CYP27A1: variants seen among roughly 807,000 people sequenced by gnomAD.
CYP27A1 encodes the protein cytochrome P450 family 27 subfamily A member 1.
CYP27A1 carries 46 observed loss-of-function variants against 58.2 expected under a neutral mutation model. That is an observed-to-expected ratio of 0.79 (90% CI 0.62 to 1.01). CYP27A1 has a LOEUF of 1.01. Ranked by LOEUF, CYP27A1 falls within the 50% of genes least tolerant of loss-of-function variation. CYP27A1 has a pLI of 0.00. For missense variants in CYP27A1, 704 were observed against 687.0 expected, an observed-to-expected ratio of 1.02 and a Z score of -0.28; for synonymous variants, 274 against 285.1, an observed-to-expected ratio of 0.96 and a Z score of 0.39.
chr2:218,786,243 G>GTGGAGA (rs1943439287), intron 1 of CYP27A1, among the ~76,000 whole-genome samples: 1 of 152,178 alleles, frequency 6.6e-6, no homozygotes, highest in African/African-American at 2.4e-5. Flanking sequence ...TAGTGGCCAG[G>GTGGAGA]TGGAGATAGA....
rs1162778741 is a variant in CYP27A1, at chr2:218,782,465, G to A, written c.255+28G>A. ...AACCCGCGGGGGCATCGCGTCCTGG[G>A]GATGGGAGTGGGCACCGGAACAGAG... On this transcript the variant is annotated intron_variant, in intron 1 of 8. Transcript: ENST00000258415. This position sits in a 1 kb window ranked among gnomAD's most constrained non-coding sequence, Gnocchi z 4.1. 1 of 1,613,966 alleles carries A rather than the reference G, an allele frequency of 6.2e-7. No individual in the cohort carries two copies. The highest frequency in any genetic ancestry group is 8.5e-7 in the Non-Finnish European group (1 of 1,179,942).
At chr2:218,796,322 G>A (rs1180356808) in intron 1 of CYP27A1, among the ~76,000 whole-genome samples, 3 of 152,192 alleles carry the variant, frequency 2.0e-5, no homozygotes, top group African/African-American at 7.2e-5. Flanking sequence ...GCTGGGTGCA[G>A]TGGCTCACGC....
In CYP27A1 at chr2:218,812,654, A is replaced by G; in HGVS notation, c.749A>G (p.Asn250Ser). The G allele has an allele frequency of 1.2e-6, 2 of 1,614,102 alleles. No individual in the cohort carries two copies. Among genetic ancestry groups the G allele is most frequent in the South Asian group, 1.1e-5 (1 of 91,076 alleles). Residue 250 changes from asparagine (N) to serine (S), a missense_variant, in exon 4 of 9, where the codon AAC becomes AGC. Asn to Ser is a conservative substitution (Grantham distance 46, BLOSUM62 1). Coordinates refer to ENST00000258415, the MANE Select transcript of CYP27A1 (RefSeq NM_000784.4). ...AGATCCATCGGGTTAATGTTCCAGAACTCACTCTATGCCACCTTCCTCCCC... is the reference window on the plus strand; with the variant it reads ...AGATCCATCGGGTTAATGTTCCAGAGCTCACTCTATGCCACCTTCCTCCCC... Reference protein sequence around the residue: ...FVRSIGLMFQNSLYATFLPKW... With the variant: ...FVRSIGLMFQSSLYATFLPKW...
intron 5 of CYP27A1, 83 bp downstream of exon 5, chr2:218,813,179 C>A (rs1943743713): frequency 1.6e-6 from 2 of 1,284,230 alleles, no homozygotes; most frequent in Non-Finnish European, 1.1e-6. Flanking sequence ...CTGATCCCGA[C>A]CTTCATCCCT....
Position 218,814,186 on chromosome 2 carries a change from C to T in CYP27A1, c.1183C>T (p.Arg395Cys), listed in dbSNP as rs121908096. Reference sequence around the variant, plus strand: ...CAAAGCTGTGCTTAAGGAGACTCTGCGGTAGGACAGAATGCTGTTCTGGGG... The same window carrying T: ...CAAAGCTGTGCTTAAGGAGACTCTGTGGTAGGACAGAATGCTGTTCTGGGG... ...LLKAVLKETL[R>C]LYPVVPTNSR... The change falls in exon 6 of 9, where the codon CGT becomes TGT. Residue 395 changes from arginine (R) to cysteine (C), a missense_variant and splice_region_variant. Transcript: ENST00000258415. 4.2e-4 allele frequency: 684 copies of T among 1,614,044 alleles called. No individual in the cohort carries two copies. Among genetic ancestry groups the T allele is most frequent in the Non-Finnish European group, 5.2e-4 (619 of 1,180,040 alleles).
At chr2:218,813,959 C>T in intron 5 of CYP27A1, 62 bp from the exon 6 acceptor site, 1 of 1,590,620 alleles carries the variant, frequency 6.3e-7, no homozygotes, top group Non-Finnish European at 8.6e-7. Context: ...CTCATACACC[C>T]TCCCATTACT....
chr2:218,791,508 C>T lies in CYP27A1; in HGVS notation c.255+9071C>T, dbSNP rs539775356. Among the ~76,000 whole-genome samples the T allele has an allele frequency of 7.2e-5, 11 of 152,266 alleles. No individual in the cohort carries two copies. The South Asian group carries it at 1.0e-3, about 14-fold the overall frequency. On this transcript the variant is annotated intron_variant, in intron 1 of 8. Transcript: ENST00000258415. ...AGAAAAAATTGAAAGATAAGAGTCT[C>T]GTGATAGTAAAGAAGTCTTGATCTG...
chr2:218,795,018 C>T (rs973704352), intron 1 of CYP27A1, among the ~76,000 whole-genome samples: 4 of 152,262 alleles, frequency 2.6e-5, no homozygotes, highest in South Asian at 2.1e-4. Flanking sequence ...GGTGTCAAAG[C>T]GGCCTGAACC....
intron 1 of CYP27A1, among the ~76,000 whole-genome samples, chr2:218,808,734 T>C (rs1257156869): frequency 6.6e-6 from 1 of 152,166 alleles, no homozygotes; most frequent in East Asian, 1.9e-4. Flanking sequence ...CTAGGAAATA[T>C]AGTCTTAGGA....
At chr2:218,810,983 TAAAA>T (rs545836420) in intron 2 of CYP27A1, among the ~76,000 whole-genome samples, 12 of 150,652 alleles carry the variant, frequency 8.0e-5, no homozygotes, top group Admixed American at 5.3e-4. Flanking sequence ...CCGACTCTAC[TAAAA>T]AAAAATACAA....
rs1449962580 is a variant in CYP27A1 at position 218,814,125 on chromosome 2, GC to G, written c.1126del (p.Gln376SerfsTer32). On this transcript the variant is annotated frameshift_variant, in exon 6 of 9. Transcript: ENST00000258415. LOFTEE classifies it high-confidence loss of function. ...TGGGTGTGGTGCCAGCCGGGCAAGT[GC>G]CCCAGCACAAGGACTTTGCCCACAT... is the stretch of plus-strand genomic sequence containing the variant. ...VVGVVPAGQV[P>X]QHKDFAHMPL... 3 of 1,614,150 alleles carry G rather than the reference GC, an allele frequency of 1.9e-6. No homozygotes were observed. The African/African-American group carries it at 4.0e-5, about 22-fold the overall frequency.
At chr2:218,784,195 T>C (rs140669012) in intron 1 of CYP27A1, among the ~76,000 whole-genome samples, 3 of 152,228 alleles carry the variant, frequency 2.0e-5, no homozygotes, top group Non-Finnish European at 2.9e-5. Flanking sequence ...GTGGCTGCTG[T>C]CTCTCCTGCA....
intron 1 of CYP27A1, among the ~76,000 whole-genome samples, chr2:218,794,266 A>T (rs1363143178): frequency 1.3e-5 from 2 of 152,192 alleles, no homozygotes; most frequent in African/African-American, 4.8e-5. Context: ...AGTACTTCTA[A>T]CTGCCATTAG....
At chr2:218,803,809 T>C (rs1943623885) in intron 1 of CYP27A1, among the ~76,000 whole-genome samples, 1 of 138,968 alleles carries the variant, frequency 7.2e-6, no homozygotes, top group African/African-American at 2.7e-5. Flanking sequence ...CTCAGCTCAC[T>C]GCAGCCTCCA....
intron 1 of CYP27A1, among the ~76,000 whole-genome samples, chr2:218,808,839 A>T (rs6730792): frequency 0.047 from 7,134 of 152,262 alleles, 518 homozygotes; most frequent in African/African-American, 0.16. Flanking sequence ...TGTCAATTTC[A>T]TAGAGGCCGT....
chr2:218,782,513 G>T lies in CYP27A1; in HGVS notation c.255+76G>T, dbSNP rs557106671. On this transcript the variant is annotated intron_variant, in intron 1 of 8. Coordinates refer to ENST00000258415, the MANE Select transcript of CYP27A1 (RefSeq NM_000784.4). The surrounding 1 kb of genome is among the most constrained non-coding windows in gnomAD (Gnocchi z 4.1). ...GAGAGGCTAGAGGTGAGAAGACGTT[G>T]GACAGAAAGTGAAGGCTGCAGGAAC... The T allele has an allele frequency of 6.3e-7, 1 of 1,589,240 alleles. No individual in the cohort carries two copies. Among genetic ancestry groups the T allele is most frequent in the East Asian group, 2.2e-5 (1 of 44,670 alleles).
At position 218,815,257 on chromosome 2, in the gene CYP27A1, A is replaced by G. The variant is rs1427941784; in HGVS notation, c.*227A>G. The G allele has an allele frequency of 7.1e-6, 4 of 561,044 alleles. No homozygotes were observed. The highest frequency in any genetic ancestry group is 1.3e-5 in the Non-Finnish European group (4 of 313,286). 34.8% of individuals were successfully genotyped at this position (561,044 alleles called of 1,614,324 possible). A position where few individuals can be genotyped will look rare whatever the true frequency, so the allele number is the denominator to read the frequency against. ...CTTTATCGCATTGCTGTCCTTGGGTAGAATATAAAATAAAGGGACTTTTAT... is the reference window on the plus strand; with the variant it reads ...CTTTATCGCATTGCTGTCCTTGGGTGGAATATAAAATAAAGGGACTTTTAT... On this transcript the variant is annotated 3_prime_UTR_variant, in exon 9 of 9. Transcript: ENST00000258415.
intron 1 of CYP27A1, among the ~76,000 whole-genome samples, chr2:218,793,227 C>G (rs1943513953): frequency 6.6e-6 from 1 of 152,090 alleles, no homozygotes; most frequent in African/African-American, 2.4e-5. Flanking sequence ...AGGCATGCAC[C>G]ACCATGCCCA....
intron 1 of CYP27A1, among the ~76,000 whole-genome samples, chr2:218,805,602 C>A (rs1943643503): frequency 1.5e-5 from 1 of 67,246 alleles, no homozygotes; most frequent in South Asian, 3.6e-4. Context: ...ACTGCTGTAT[C>A]CCTAGGAGGA....
Sources: gnomAD v4.1 joint callset for allele counts (sites outside exome capture counted in the v4.1 genomes callset) on GRCh38, gnomAD v4.1.1 for gene constraint, Gnocchi (gnomAD v3.1) non-coding constraint, MANE v1.5 for transcripts, NCBI Gene and HGNC (gene_info 2026-07-23, HGNC 2026-07-21) for gene names.